AKT3: variants seen among roughly 807,000 people sequenced by gnomAD.
AKT3 encodes AKT serine/threonine kinase 3, also known as RAC-gamma serine/threonine-protein kinase.
Under a neutral mutation model 65.3 loss-of-function variants are expected in AKT3, and 15 were observed. The observed-to-expected ratio is 0.23, with a 90% CI of 0.15 to 0.35. The LOEUF (loss-of-function observed/expected upper bound fraction) is 0.35, where lower values mean the gene tolerates loss of function less well. Among genes scored for constraint, AKT3 ranks in the 10% least tolerant of loss-of-function variants. The pLI, the probability that AKT3 is intolerant of heterozygous loss-of-function variation, is 1.00. For missense variants in AKT3, 243 were observed against 576.5 expected (o/e 0.42, Z 5.92); for synonymous variants, 206 against 183.8 (o/e 1.12, Z -0.98).
upstream of AKT3, among the ~76,000 whole-genome samples, chr1:243,850,350 C>A (rs1438064849): frequency 6.8e-6 from 1 of 146,136 alleles, no homozygotes; most frequent in African/African-American, 2.5e-5. Flanking sequence ...AGGGCGGCGG[C>A]GGGGAGAGGA....
intron 2 of AKT3, among the ~76,000 whole-genome samples, chr1:243,796,780 T>C (rs962627511): frequency 1.3e-5 from 2 of 152,102 alleles, no homozygotes; most frequent in Admixed American, 6.5e-5. Context: ...ACATCCATAT[T>C]ATGGAGTGTT....
intron 5 of AKT3, among the ~76,000 whole-genome samples, chr1:243,640,196 A>G (rs1018693298): frequency 6.6e-6 from 1 of 152,250 alleles, no homozygotes; most frequent in African/African-American, 2.4e-5. Context: ...GTAGCTCTAA[A>G]TATCAAATAT....
intron 3 of AKT3, among the ~76,000 whole-genome samples, chr1:243,688,355 GTTA>G (rs1684476066): frequency 1.3e-5 from 2 of 152,050 alleles, no homozygotes; most frequent in Non-Finnish European, 2.9e-5. Flanking sequence ...TATAAACACA[GTTA>G]TTATTTGGGC....
upstream of AKT3, among the ~76,000 whole-genome samples, chr1:243,850,587 T>G (rs955444313): frequency 1.3e-5 from 2 of 149,788 alleles, no homozygotes; most frequent in Non-Finnish European, 3.0e-5. Flanking sequence ...CCGCCGCCGA[T>G]CGGTTCTCGC....
At chr1:243,555,153 C>G (rs745853089) in intron 10 of AKT3, among the ~76,000 whole-genome samples, 12 of 152,148 alleles carry the variant, frequency 7.9e-5, no homozygotes, top group Middle Eastern at 6.3e-3. Flanking sequence ...TGCCGTATTA[C>G]TTTGTATTGA....
At chr1:243,759,220 T>C (rs1256357966) in intron 2 of AKT3, among the ~76,000 whole-genome samples, 1 of 152,044 alleles carries the variant, frequency 6.6e-6, no homozygotes, top group East Asian at 1.9e-4. Context: ...GAAACTGAGG[T>C]GGGAGGAGAG....
At position 243,673,407 on chromosome 1, in the gene AKT3, T is replaced by C. The variant is rs78977918; in HGVS notation, c.173-8524A>G. On this transcript the variant is annotated intron_variant, in intron 3 of 13. Coordinates refer to ENST00000673466, the MANE Select transcript of AKT3 (RefSeq NM_005465.7). ...TGAGACCATTATTGATGATATTATA[T>C]GTTTTGGATATTTTCCATTTCAGTA... 7.4e-4 allele frequency among the ~76,000 whole-genome samples: 112 copies of C among 152,234 alleles called. 3 individuals carry two copies. The highest frequency in any genetic ancestry group is 5.0e-3 in the Admixed American group (77 of 15,294).
intron 2 of AKT3, among the ~76,000 whole-genome samples, chr1:243,796,804 A>G (rs530118421): frequency 6.6e-6 from 1 of 152,248 alleles, no homozygotes; most frequent in South Asian, 2.1e-4. Flanking sequence ...TAGCCTTAAG[A>G]AGGAAGGAGA....
chr1:243,557,068 A>G (rs1255560417), intron 10 of AKT3, among the ~76,000 whole-genome samples: 1 of 152,148 alleles, frequency 6.6e-6, no homozygotes, highest in Non-Finnish European at 1.5e-5. Context: ...TACAGTTAAC[A>G]TCGTACTTTC....
intron 12 of AKT3, among the ~76,000 whole-genome samples, chr1:243,514,036 C>G (rs1445363989): frequency 6.6e-6 from 1 of 152,036 alleles, no homozygotes; most frequent in East Asian, 1.9e-4. Flanking sequence ...TTTAGAAAAC[C>G]AAGGGGGTAA....
intron 2 of AKT3, chr1:243,702,777 G>T (rs1319398464): frequency 6.6e-6 from 1 of 152,212 alleles, no homozygotes; most frequent in Middle Eastern, 3.4e-3. Flanking sequence ...GTATTAATTT[G>T]ACTAATACTT....
chr1:243,716,104 A>T (rs553687315), intron 2 of AKT3, among the ~76,000 whole-genome samples: 17 of 152,284 alleles, frequency 1.1e-4, no homozygotes, highest in African/African-American at 3.8e-4. Flanking sequence ...AGCTTCTAAT[A>T]AGAAATATTT....
chr1:243,762,166 T>G (rs569065166), intron 2 of AKT3, among the ~76,000 whole-genome samples: 1 of 152,258 alleles, frequency 6.6e-6, no homozygotes, highest in Non-Finnish European at 1.5e-5. Flanking sequence ...ACTTAAATTA[T>G]GTTTATTAAA....
intron 2 of AKT3, among the ~76,000 whole-genome samples, chr1:243,738,323 G>T (rs1017822802): frequency 1.1e-4 from 16 of 152,118 alleles, no homozygotes; most frequent in Admixed American, 6.6e-4. Context: ...AGACTAAAAG[G>T]TCTCTTTGGG....
chr1:243,837,162 A>C (rs1159429049), intron 2 of AKT3, among the ~76,000 whole-genome samples: 1 of 152,168 alleles, frequency 6.6e-6, no homozygotes, highest in Non-Finnish European at 1.5e-5. Context: ...CTCTACTAAA[A>C]AAATAAAAAT....
chr1:243,601,039 T>C (rs933876063), intron 8 of AKT3, among the ~76,000 whole-genome samples: 15 of 152,056 alleles, frequency 9.9e-5, no homozygotes, highest in Admixed American at 9.2e-4. Context: ...CTGTCAAAAC[T>C]CACTAAATTG....
chr1:243,691,770 T>C (rs757800035), intron 3 of AKT3, among the ~76,000 whole-genome samples: 4 of 152,130 alleles, frequency 2.6e-5, no homozygotes, highest in Non-Finnish European at 4.4e-5. Flanking sequence ...CAGCAGCCAA[T>C]TGAACAGAGT....
intron 12 of AKT3, among the ~76,000 whole-genome samples, chr1:243,517,776 T>C (rs1670459465): frequency 6.6e-6 from 1 of 152,246 alleles, no homozygotes; most frequent in Non-Finnish European, 1.5e-5. Flanking sequence ...TTGTGGTGTT[T>C]AGAACATTTA....
At chr1:243,593,866 C>T (rs1323304669) in intron 8 of AKT3, among the ~76,000 whole-genome samples, 3 of 151,976 alleles carry the variant, frequency 2.0e-5, no homozygotes, top group Non-Finnish European at 2.9e-5. Context: ...TAATCTTTTC[C>T]GAGACAGGGA....
Sources: allele counts gnomAD v4.1 joint callset (sites outside exome capture counted in the v4.1 genomes callset), GRCh38; gene constraint gnomAD v4.1.1; transcripts MANE v1.5; gene names NCBI Gene and HGNC (gene_info 2026-07-23, HGNC 2026-07-21).